Variants in VPS54 observed in about 807,000 individuals in gnomAD.
The protein encoded by VPS54 is vacuolar protein sorting-associated protein 54.
In VPS54, 45 loss-of-function variants were observed where a neutral mutation model predicts 121.5. That is an observed-to-expected ratio of 0.37 (90% CI 0.29 to 0.47). The LOEUF is 0.47. Among genes scored for constraint, VPS54 ranks in the 20% least tolerant of loss-of-function variants. The pLI is 0.99. For synonymous variants in VPS54, 371 were observed against 385.8 expected (o/e 0.96, Z 0.45); for missense variants, 1,090 against 1,131.4 (o/e 0.96, Z 0.52).
intron 3 of VPS54, among the ~76,000 whole-genome samples, chr2:63,981,207 G>T (rs988821062): frequency 2.4e-4 from 37 of 152,058 alleles, no homozygotes; most frequent in African/African-American, 7.5e-4. Flanking sequence ...CTCAGACAGG[G>T]TTTAAAGTAA....
At chr2:63,978,632 T>A (rs1676657391) in intron 3 of VPS54, among the ~76,000 whole-genome samples, 1 of 152,186 alleles carries the variant, frequency 6.6e-6, no homozygotes, top group South Asian at 2.1e-4. Flanking sequence ...CTTTTTGTTT[T>A]GTTTTTTGAG....
At chr2:63,996,673 T>C (rs1264849471) in intron 1 of VPS54, among the ~76,000 whole-genome samples, 1 of 152,180 alleles carries the variant, frequency 6.6e-6, no homozygotes, top group African/African-American at 2.4e-5. Flanking sequence ...GGGAAAAGAA[T>C]GCATTCCCGG....
intron 12 of VPS54, among the ~76,000 whole-genome samples, chr2:63,933,451 G>A (rs1041666944): frequency 7.2e-5 from 11 of 152,078 alleles, no homozygotes; most frequent in Admixed American, 3.3e-4. Flanking sequence ...GGTCTTTAAA[G>A]TTCTTTTGCA....
chr2:63,894,699 TC>T (rs1400133571), intron 22 of VPS54, among the ~76,000 whole-genome samples: 2 of 127,364 alleles, frequency 1.6e-5, no homozygotes, highest in Non-Finnish European at 1.7e-5. Flanking sequence ...AGACCCTGTC[TC>T]CAAAAAAAAA....
intron 4 of VPS54, among the ~76,000 whole-genome samples, chr2:63,969,868 T>C (rs1676184000): frequency 6.6e-6 from 1 of 152,178 alleles, no homozygotes; most frequent in Admixed American, 6.5e-5. Context: ...TTGTTTTTAT[T>C]GTTTAAAAGA....
chr2:64,001,587 A>C (rs1007767696), intron 1 of VPS54, among the ~76,000 whole-genome samples: 21 of 151,998 alleles, frequency 1.4e-4, no homozygotes, highest in African/African-American at 5.1e-4. Flanking sequence ...CACAGGATGG[A>C]TCCTGCCAGG....
chr2:63,977,048 C>T (rs936108600), intron 3 of VPS54, among the ~76,000 whole-genome samples: 4 of 151,926 alleles, frequency 2.6e-5, no homozygotes, highest in Non-Finnish European at 5.9e-5. Flanking sequence ...AGGCTGGTCT[C>T]GAACTCCTGG....
Position 63,893,407 on chromosome 2 carries a change from C to G in VPS54, c.*23G>C. The G allele has an allele frequency of 1.3e-6, 2 of 1,588,660 alleles. No homozygotes were observed. Among genetic ancestry groups the G allele is most frequent in the Non-Finnish European group, 1.7e-6 (2 of 1,156,982 alleles). ...CAAACACATCCCATGGTCAGATGAA[C>G]TACCCAGTTTTCCAGGATGACATCA... On this transcript the variant is annotated 3_prime_UTR_variant, in exon 23 of 23. Coordinates refer to ENST00000272322, the MANE Select transcript of VPS54 (RefSeq NM_016516.3).
chr2:63,991,746 T>C (rs1413758835), intron 1 of VPS54, among the ~76,000 whole-genome samples: 1 of 152,102 alleles, frequency 6.6e-6, no homozygotes, highest in Non-Finnish European at 1.5e-5. Context: ...CAGGCCCCAA[T>C]ATCAAATGGG....
chr2:63,946,109 G>C (rs926179981), intron 9 of VPS54, among the ~76,000 whole-genome samples: 5 of 152,112 alleles, frequency 3.3e-5, no homozygotes, highest in African/African-American at 1.2e-4. Flanking sequence ...AATTTTGCCT[G>C]CATTTGAGTT....
At chr2:63,938,635 T>C (rs1298881330) in intron 11 of VPS54, among the ~76,000 whole-genome samples, 1 of 152,168 alleles carries the variant, frequency 6.6e-6, no homozygotes, top group Non-Finnish European at 1.5e-5. Context: ...CAGCTGATTT[T>C]TGTATTATTA....
At chr2:63,936,035 A>C (rs1646156531) in intron 11 of VPS54, among the ~76,000 whole-genome samples, 1 of 152,300 alleles carries the variant, frequency 6.6e-6, no homozygotes. Context: ...GGAAACAGAG[A>C]AACTAAGCTG....
Position 63,893,209 on chromosome 2 carries a change from C to T in VPS54, c.*221G>A. 3.3e-6 allele frequency: 2 copies of T among 597,752 alleles called. No homozygotes were observed. Among genetic ancestry groups the T allele is most frequent in the South Asian group, 3.7e-5 (2 of 53,384 alleles). The allele number at this position is 597,752 out of a possible 1,614,324, so 37.0% of individuals were successfully genotyped here. On this transcript the variant is annotated 3_prime_UTR_variant, in exon 23 of 23. Coordinates refer to ENST00000272322, the MANE Select transcript of VPS54 (RefSeq NM_016516.3). ...CAGAGAGAATGAAAAATGTTATAGACACCTGATCAGTTACTCCTCACTGTA... is the reference window on the plus strand; with the variant it reads ...CAGAGAGAATGAAAAATGTTATAGATACCTGATCAGTTACTCCTCACTGTA...
chr2:63,921,265 A>G lies in VPS54; in HGVS notation c.1810T>C (p.Tyr604His), dbSNP rs1673632448. The change falls in exon 13 of 23, where the codon TAT becomes CAT. Residue 604 changes from tyrosine (Y) to histidine (H), a missense_variant. Tyr to His is a moderately conservative substitution (Grantham distance 83). Transcript: ENST00000272322. Reference protein sequence around the residue: ...KLANNIQELLYSASDICHDRA... With the variant: ...KLANNIQELLHSASDICHDRA... ...TCATGGCATATATCTGAGGCACTAT[A>G]TAATAATTCCTGGATATTATTTGCC... 2 of 1,613,216 alleles carry G rather than the reference A, an allele frequency of 1.2e-6. No individual in the cohort carries two copies. The highest frequency in any genetic ancestry group is 1.3e-5 in the African/African-American group (1 of 74,918).
intron 18 of VPS54, 87 bp downstream of exon 18, chr2:63,913,136 G>C: frequency 9.1e-7 from 1 of 1,104,686 alleles, no homozygotes; most frequent in Non-Finnish European, 1.3e-6. Flanking sequence ...TTAGAGCCAT[G>C]AAAACATGAG....
At chr2:63,898,129 A>T (rs1672521677) in intron 21 of VPS54, among the ~76,000 whole-genome samples, 1 of 152,260 alleles carries the variant, frequency 6.6e-6, no homozygotes, top group South Asian at 2.1e-4. Context: ...AATTACTAGT[A>T]TTCAAGTGGC....
intron 1 of VPS54, among the ~76,000 whole-genome samples, chr2:63,986,737 C>T (rs1185698714): frequency 6.6e-6 from 1 of 152,228 alleles, no homozygotes; most frequent in Non-Finnish European, 1.5e-5. Context: ...CTATTCTCCA[C>T]ATCTTCGCAA....
chr2:63,933,203 T>G (rs1464928473), intron 12 of VPS54, among the ~76,000 whole-genome samples: 3 of 152,110 alleles, frequency 2.0e-5, no homozygotes, highest in Non-Finnish European at 4.4e-5. Flanking sequence ...TAAAATAAGG[T>G]TTAAGAGAAG....
intron 10 of VPS54, 42 bp downstream of exon 10, chr2:63,944,558 T>C: frequency 6.5e-7 from 1 of 1,528,770 alleles, no homozygotes. Flanking sequence ...TCTATCATCT[T>C]TTCTCTGACT....
Sources: gnomAD v4.1 joint callset for allele counts (sites outside exome capture counted in the v4.1 genomes callset) on GRCh38, gnomAD v4.1.1 for gene constraint, MANE v1.5 for transcripts, NCBI Gene and HGNC (gene_info 2026-07-23, HGNC 2026-07-21) for gene names.